The following CNTRL variants were observed in gnomAD, a reference collection of about 807,000 sequenced individuals.
CNTRL encodes 110 kDa centrosomal protein.
A neutral mutation model predicts 303.7 loss-of-function variants in CNTRL; 233 were observed. The observed-to-expected ratio is 0.77, with a 90% confidence interval of 0.69 to 0.86. The LOEUF (loss-of-function observed/expected upper bound fraction) is 0.86. Ranked by LOEUF, CNTRL falls within the 40% of genes least tolerant of loss-of-function variation. CNTRL has a pLI of 0.00. For missense variants in CNTRL, 2,524 were observed against 2,650.6 expected (o/e 0.95, Z 1.05); for synonymous variants, 900 against 922.2 (o/e 0.98, Z 0.44).
chr9:121,094,857 G>A, intron 4 of CNTRL, 31 bp from the exon 5 acceptor site: 2 of 1,487,984 alleles, frequency 1.3e-6, no homozygotes, highest in Non-Finnish European at 1.8e-6. Context: ...CATCTGTTGT[G>A]TAAAGTATTC....
At chr9:121,137,912 G>A (rs137889797) in intron 15 of CNTRL, among the ~76,000 whole-genome samples, 97 of 152,172 alleles carry the variant, frequency 6.4e-4, no homozygotes, top group African/African-American at 2.3e-3. Context: ...ACTTGGTATT[G>A]AAAGGGACAT....
At chr9:121,098,616 A>G in intron 7 of CNTRL, 44 bp downstream of exon 7, 1 of 1,250,436 alleles carries the variant, frequency 8.0e-7, no homozygotes, top group Non-Finnish European at 1.1e-6. Flanking sequence ...TGAGGGAGGA[A>G]TTTATTTTCA....
intron 14 of CNTRL, among the ~76,000 whole-genome samples, chr9:121,134,626 G>C (rs1381640442): frequency 1.3e-5 from 2 of 152,166 alleles, no homozygotes; most frequent in Non-Finnish European, 2.9e-5. Flanking sequence ...ACCATATTCA[G>C]ATTTTCTTGA....
At position 121,161,895 on chromosome 9, in the gene CNTRL, A is replaced by G. The variant is rs749544191; in HGVS notation, c.5129A>G (p.His1710Arg). The stretch of plus-strand genomic sequence containing the variant: ...CTGGACATGTTGCAACTTGAAAACC[A>G]TGAGCTACAAGGTTTGAAGCTACAA... The part of the protein sequence containing the change: ...NILDMLQLEN[H>R]ELQGLKLQHD... Residue 1710 changes from histidine to arginine, a missense_variant, in exon 33 of 44, where the codon CAT becomes CGT. Transcript: ENST00000373855. 6.2e-7 allele frequency: 1 copy of G among 1,614,134 alleles called. No individual in the cohort carries two copies. Among genetic ancestry groups the G allele is most frequent in the Non-Finnish European group, 8.5e-7 (1 of 1,179,948 alleles).
At position 121,145,238 on chromosome 9, in the gene CNTRL, A is replaced by G. The variant is rs776784575; in HGVS notation, c.3169-6A>G. The G allele has an allele frequency of 9.4e-5, 151 of 1,598,186 alleles. No homozygotes were observed. Among genetic ancestry groups the G allele is most frequent in the Non-Finnish European group, 1.1e-4 (134 of 1,175,750 alleles). On this transcript the variant is annotated splice_polypyrimidine_tract_variant and splice_region_variant and intron_variant, in intron 21 of 43. Coordinates refer to ENST00000373855, the MANE Select transcript of CNTRL (RefSeq NM_007018.6). Reference sequence around the variant, plus strand: ...GCAACTTTGTATGTGTAATTTTTTTAAATAGTTTCGACTTGAGATGGAGAA... The same window carrying G: ...GCAACTTTGTATGTGTAATTTTTTTGAATAGTTTCGACTTGAGATGGAGAA...
chr9:121,176,720 T>C (rs3789311), intron 43 of CNTRL, among the ~76,000 whole-genome samples: 19,322 of 152,208 alleles, frequency 0.13, 1,320 homozygotes, highest in East Asian at 0.18. Context: ...TCCAGGCCTA[T>C]ATGGGATAAA....
chr9:121,162,257 G>A lies in CNTRL; in HGVS notation c.5409G>A (p.Leu1803=). 16 of 1,613,840 alleles carry A rather than the reference G, an allele frequency of 9.9e-6. No homozygotes were observed. Among genetic ancestry groups the A allele is most frequent in the Admixed American group, 1.7e-5 (1 of 60,028 alleles). Residue 1803 remains leucine, a synonymous_variant, in exon 34 of 44, where the codon TTG becomes TTA. Coordinates refer to ENST00000373855, the MANE Select transcript of CNTRL (RefSeq NM_007018.6). The part of the protein sequence containing the change: ...QEKCDIWEKK[L]AQTKRVLAAA... The stretch of plus-strand genomic sequence containing the variant: ...AATGTGACATTTGGGAAAAAAAGTT[G>A]GCACAAACCAAAAGGTGAGAGCAAG...
intron 4 of CNTRL, among the ~76,000 whole-genome samples, chr9:121,094,296 C>T (rs974777307): frequency 6.6e-6 from 1 of 152,060 alleles, no homozygotes; most frequent in Non-Finnish European, 1.5e-5. Flanking sequence ...TAGGGAGGGC[C>T]TTCTTGCTGC....
Position 121,154,814 on chromosome 9 carries a change from G to A in CNTRL, c.4266G>A (p.Glu1422=), listed in dbSNP as rs754032724. 40 of 1,613,530 alleles carry A rather than the reference G, an allele frequency of 2.5e-5. No individual in the cohort carries two copies. The highest frequency in any genetic ancestry group is 3.3e-5 in the Non-Finnish European group (39 of 1,179,538). ...ATGAAGATATTGTAGATGAAATTGA[G>A]TGCATTGAGAAGACTCTTCTGAAAC... ...KHHEDIVDEI[E]CIEKTLLKRR... Residue 1422 remains glutamate (E), a synonymous_variant, in exon 27 of 44, where the codon GAG becomes GAA. Transcript: ENST00000373855.
chr9:121,165,804 A>G (rs1300941411), intron 35 of CNTRL, among the ~76,000 whole-genome samples: 1 of 152,210 alleles, frequency 6.6e-6, no homozygotes, highest in East Asian at 1.9e-4. Context: ...CTGAAAGGTT[A>G]AGTTTCTATT....
At position 121,075,011 on chromosome 9, in the gene CNTRL, C is replaced by G. The variant is rs1348197377; in HGVS notation, c.-261C>G. 1 of 453,974 alleles carries G rather than the reference C, an allele frequency of 2.2e-6. No individual in the cohort carries two copies. Among genetic ancestry groups the G allele is most frequent in the African/African-American group, 2.0e-5 (1 of 50,044 alleles). The allele number at this position is 453,974 out of a possible 1,614,324, so 28.1% of individuals were successfully genotyped here. Reference sequence around the variant, plus strand: ...GCCGCTGGGCCCCTGAGGAAAGAGCCCGAACTTCTCCCGCTCTACCTCAGC... The same window carrying G: ...GCCGCTGGGCCCCTGAGGAAAGAGCGCGAACTTCTCCCGCTCTACCTCAGC... On this transcript the variant is annotated 5_prime_UTR_variant, in exon 1 of 44. Coordinates refer to ENST00000373855, the MANE Select transcript of CNTRL (RefSeq NM_007018.6).
chr9:121,125,994 A>C (rs2050501596), intron 14 of CNTRL, 58 bp downstream of exon 14: 1 of 1,412,040 alleles, frequency 7.1e-7, no homozygotes, highest in Admixed American at 1.8e-5. Context: ...TGTCCAAATT[A>C]AGTTAGTTGG....
intron 2 of CNTRL, among the ~76,000 whole-genome samples, chr9:121,085,365 A>G (rs1033303316): frequency 6.6e-6 from 1 of 152,212 alleles, no homozygotes; most frequent in Non-Finnish European, 1.5e-5. Flanking sequence ...TCATGAAGCT[A>G]TATACACTTA....
chr9:121,101,858 T>A (rs975314669), intron 7 of CNTRL, among the ~76,000 whole-genome samples: 1 of 152,050 alleles, frequency 6.6e-6, no homozygotes, highest in Non-Finnish European at 1.5e-5. Context: ...CAGGAAGAAG[T>A]TGAATCTCTG....
chr9:121,121,847 G>T, intron 12 of CNTRL: 6 of 985,426 alleles, frequency 6.1e-6, no homozygotes, highest in Non-Finnish European at 6.0e-6. Context: ...GTGGCTGTCA[G>T]AGAGGGAAGT....
Position 121,177,386 on chromosome 9 carries a change from G to T in CNTRL, c.*200G>T. On this transcript the variant is annotated 3_prime_UTR_variant, in exon 44 of 44. Coordinates refer to ENST00000373855, the MANE Select transcript of CNTRL (RefSeq NM_007018.6). ...GTACATAGTACATATGGGAATAGTT[G>T]CATATGGGAATTTAAACCAACATGT... 6.9e-6 allele frequency: 3 copies of T among 432,460 alleles called. No homozygotes were observed. The highest frequency in any genetic ancestry group is 1.2e-5 in the Non-Finnish European group (3 of 246,708). 26.8% of individuals were successfully genotyped at this position (432,460 alleles called of 1,614,324 possible).
At chr9:121,170,728 C>T (rs887121166) in intron 39 of CNTRL, among the ~76,000 whole-genome samples, 1 of 152,250 alleles carries the variant, frequency 6.6e-6, no homozygotes, top group African/African-American at 2.4e-5. Context: ...GCTGGGATTA[C>T]AGGCATAAGC....
intron 18 of CNTRL, 81 bp downstream of exon 18, chr9:121,141,669 G>T (rs1343663946): frequency 2.4e-5 from 30 of 1,257,342 alleles, no homozygotes; most frequent in Non-Finnish European, 3.3e-5. Flanking sequence ...TGCTTCCTTT[G>T]TCATGTAAAT....
chr9:121,126,834 T>TG, intron 14 of CNTRL, among the ~76,000 whole-genome samples: 1 of 152,038 alleles, frequency 6.6e-6, no homozygotes, highest in Non-Finnish European at 1.5e-5. Context: ...TTTTGGTTTT[T>TG]TTTTGAGATG....
Sources: gnomAD v4.1 joint callset for allele counts (sites outside exome capture counted in the v4.1 genomes callset) on GRCh38, gnomAD v4.1.1 for gene constraint, MANE v1.5 for transcripts, NCBI Gene and HGNC (gene_info 2026-07-23, HGNC 2026-07-21) for gene names.